Variants in RALGPS1 observed in about 807,000 individuals in gnomAD.
RALGPS1 encodes ras-specific guanine nucleotide-releasing factor RalGPS1.
A neutral mutation model predicts 78.8 loss-of-function variants in RALGPS1; 19 were observed. The observed-to-expected ratio is 0.24, with a 90% confidence interval of 0.17 to 0.35. The LOEUF is 0.35. Ranked by LOEUF, RALGPS1 falls within the 10% of genes least tolerant of loss-of-function variation. RALGPS1 has a pLI of 1.00. For synonymous variants in RALGPS1, 228 were observed against 256.3 expected, an observed-to-expected ratio of 0.89 and a Z score of 1.06; for missense variants, 454 against 688.3, an observed-to-expected ratio of 0.66 and a Z score of 3.81.
chr9:126,970,522 C>A (rs2040001424), intron 3 of RALGPS1, among the ~76,000 whole-genome samples: 1 of 152,110 alleles, frequency 6.6e-6, no homozygotes, highest in Admixed American at 6.5e-5. Flanking sequence ...GGGGTCCCTT[C>A]TAGAATGATG....
intron 3 of RALGPS1, among the ~76,000 whole-genome samples, chr9:126,972,958 A>G (rs1328953292): frequency 6.6e-6 from 1 of 152,160 alleles, no homozygotes; most frequent in Non-Finnish European, 1.5e-5. Flanking sequence ...GCTACTCAGG[A>G]GGCTGAGGCA....
intron 14 of RALGPS1, among the ~76,000 whole-genome samples, chr9:127,207,427 C>G (rs1219511294): frequency 6.6e-6 from 1 of 152,154 alleles, no homozygotes; most frequent in African/African-American, 2.4e-5. Flanking sequence ...TGTGTTCAGC[C>G]ACAGGTTCTC....
chr9:127,003,489 C>CA (rs1390816172), intron 4 of RALGPS1, among the ~76,000 whole-genome samples: 2 of 152,070 alleles, frequency 1.3e-5, no homozygotes, highest in Non-Finnish European at 2.9e-5. Flanking sequence ...AAATGCAAAT[C>CA]AAAACCACAA....
intron 1 of RALGPS1, among the ~76,000 whole-genome samples, chr9:126,961,243 A>G (rs929243370): frequency 6.6e-6 from 1 of 152,192 alleles, no homozygotes; most frequent in African/African-American, 2.4e-5. Flanking sequence ...AGGGTCTTGA[A>G]TGATGACAGG....
At chr9:126,988,405 A>G (rs2041997415) in intron 4 of RALGPS1, among the ~76,000 whole-genome samples, 1 of 152,128 alleles carries the variant, frequency 6.6e-6, no homozygotes, top group Non-Finnish European at 1.5e-5. Context: ...TCACTGAGAG[A>G]TTTAAAAAAA....
At chr9:127,084,957 A>G (rs1442225715) in intron 8 of RALGPS1, among the ~76,000 whole-genome samples, 1 of 152,208 alleles carries the variant, frequency 6.6e-6, no homozygotes, top group Non-Finnish European at 1.5e-5. Flanking sequence ...TCTGTGTGAA[A>G]CAGATGAGGG....
At chr9:127,178,429 G>A (rs2060011800) in intron 11 of RALGPS1, 2 of 1,052,480 alleles carry the variant, frequency 1.9e-6, no homozygotes, top group Admixed American at 4.8e-5. Flanking sequence ...CTCCTTCACA[G>A]GGTAGTGTTG....
At position 127,183,789 on chromosome 9, in the gene RALGPS1, CCCTCCATGAGGA is replaced by C. The variant is rs1564741857; in HGVS notation, c.910+9012_910+9023del. Reference sequence around the variant, plus strand: ...TTTCGGAATGGATGGGTGGGAGGGGCCCTCCATGAGGACCTCAGGGATAGGAGGCCAGTTGTG... The same window carrying C: ...TTTCGGAATGGATGGGTGGGAGGGGCCCTCAGGGATAGGAGGCCAGTTGTG... On this transcript the variant is annotated intron_variant, in intron 11 of 18. Transcript: ENST00000259351. This position sits in a 1 kb window ranked among gnomAD's most constrained non-coding sequence, Gnocchi z 4.0. 3.1e-6 allele frequency: 4 copies of C among 1,272,966 alleles called. No homozygotes were observed. Among genetic ancestry groups the C allele is most frequent in the Non-Finnish European group, 4.3e-6 (4 of 930,686 alleles). 78.9% of individuals were successfully genotyped at this position (1,272,966 alleles called of 1,614,324 possible).
At chr9:126,952,673 G>GTGTGTC (rs2037961693) in intron 1 of RALGPS1, among the ~76,000 whole-genome samples, 1 of 106,906 alleles carries the variant, frequency 9.4e-6, no homozygotes, top group Non-Finnish European at 2.3e-5. Context: ...GTGTGTGTGT[G>GTGTGTC]TGTGTGTCTG....
intron 8 of RALGPS1, among the ~76,000 whole-genome samples, chr9:127,116,132 C>G (rs2055390239): frequency 6.6e-6 from 1 of 152,188 alleles, no homozygotes; most frequent in Non-Finnish European, 1.5e-5. Context: ...TTGCTACTAC[C>G]TGTCATGGGT....
chr9:127,169,302 C>T (rs374616306), intron 10 of RALGPS1, among the ~76,000 whole-genome samples: 1 of 152,218 alleles, frequency 6.6e-6, no homozygotes, highest in Non-Finnish European at 1.5e-5. Context: ...ACCTCCTTCC[C>T]CGTAGAGCCC....
At position 126,915,697 on chromosome 9, in the gene RALGPS1, A is replaced by T. The variant is rs546447388; in HGVS notation, c.-66+722A>T. ...ACTGGCCGGTTGCCTCCCCTATGCT[A>T]CGCCGCGCCCTAAGTGGGGCGCGCT... On this transcript the variant is annotated intron_variant, in intron 1 of 18. Coordinates refer to ENST00000259351, the MANE Select transcript of RALGPS1 (RefSeq NM_014636.3). Among the ~76,000 whole-genome samples, 35 of 145,204 alleles carry T rather than the reference A, an allele frequency of 2.4e-4. No homozygotes were observed. In the South Asian group the frequency reaches 8.1e-3, roughly 34 times the overall value.
intron 1 of RALGPS1, among the ~76,000 whole-genome samples, chr9:126,955,179 A>G (rs1471518720): frequency 2.0e-5 from 3 of 152,084 alleles, no homozygotes; most frequent in Non-Finnish European, 4.4e-5. Context: ...ATCTTAAGTT[A>G]CCTTCTTTGT....
intron 4 of RALGPS1, among the ~76,000 whole-genome samples, chr9:127,022,054 A>G (rs1290620877): frequency 6.6e-6 from 1 of 152,182 alleles, no homozygotes; most frequent in African/African-American, 2.4e-5. Flanking sequence ...TTGTTATTCT[A>G]TAGAAACTAG....
chr9:127,136,217 G>A (rs1330855060), intron 8 of RALGPS1, among the ~76,000 whole-genome samples: 1 of 152,198 alleles, frequency 6.6e-6, no homozygotes, highest in Non-Finnish European at 1.5e-5. Context: ...GAGAGAAGTG[G>A]CAGGAAGGGG....
At position 126,914,988 on chromosome 9, in the gene RALGPS1, G is replaced by A. The variant is rs1201161878; in HGVS notation, c.-66+13G>A. ...GGCCCGCGTCAAGGTGACCGGCCGG[G>A]ACTGCGGCGGCGGGGAGAGCGGCGG... On this transcript the variant is annotated intron_variant, in intron 1 of 18. Transcript: ENST00000259351. The A allele has an allele frequency of 2.6e-5, 4 of 150,968 alleles. No homozygotes were observed. The highest frequency in any genetic ancestry group is 5.9e-5 in the Non-Finnish European group (4 of 67,498). The allele number at this position is 150,968 out of a possible 1,614,324, so 9.4% of individuals were successfully genotyped here. A position where few individuals can be genotyped will look rare whatever the true frequency, so the allele number is the denominator to read the frequency against.
rs1004695530 is a variant in RALGPS1 at position 127,031,260 on chromosome 9, G to T, written c.217-3171G>T. On this transcript the variant is annotated intron_variant, in intron 4 of 18. Transcript: ENST00000259351. Reference sequence around the variant, plus strand: ...AGGCATTAGTGACTGGAAGAGTTTTGTTCTATTACTTCACATTTTCCTAAA... The same window carrying T: ...AGGCATTAGTGACTGGAAGAGTTTTTTTCTATTACTTCACATTTTCCTAAA... Among the ~76,000 whole-genome samples, 10 of 152,332 alleles carry T rather than the reference G, an allele frequency of 6.6e-5. 1 individual carries two copies. The East Asian group carries it at 1.7e-3, about 26-fold the overall frequency.
intron 4 of RALGPS1, among the ~76,000 whole-genome samples, chr9:126,985,805 G>A (rs896142605): frequency 2.0e-5 from 3 of 152,168 alleles, no homozygotes; most frequent in Non-Finnish European, 4.4e-5. Context: ...GTTCTAGAGG[G>A]TCTGCATACT....
intron 1 of RALGPS1, among the ~76,000 whole-genome samples, chr9:126,956,022 C>T (rs1159134544): frequency 6.6e-6 from 1 of 152,226 alleles, no homozygotes; most frequent in African/African-American, 2.4e-5. Context: ...TGTGCATCTG[C>T]TTCCTCCCCC....
Sources: allele counts gnomAD v4.1 joint callset (sites outside exome capture counted in the v4.1 genomes callset), GRCh38; gene constraint gnomAD v4.1.1; non-coding constraint Gnocchi (gnomAD v3.1); transcripts MANE v1.5; gene names NCBI Gene and HGNC (gene_info 2026-07-23, HGNC 2026-07-21).